ZBTB44: variants seen among roughly 807,000 people sequenced by gnomAD.
The protein encoded by ZBTB44 is zinc finger and BTB domain-containing protein 44.
ZBTB44 carries 15 observed loss-of-function variants against 54.0 expected under a neutral mutation model. That is an observed-to-expected ratio of 0.28 (90% CI 0.19 to 0.43). The LOEUF is 0.43. ZBTB44 is among the 20% of genes least tolerant of loss of function. The pLI is 1.00. For synonymous variants in ZBTB44, 230 were observed against 250.1 expected (o/e 0.92, Z 0.76); for missense variants, 487 against 707.1 (o/e 0.69, Z 3.53).
intron 1 of ZBTB44, among the ~76,000 whole-genome samples, chr11:130,280,767 G>C (rs887687245): frequency 6.6e-6 from 1 of 152,150 alleles, no homozygotes; most frequent in Admixed American, 6.5e-5. Context: ...CACGCTTTTT[G>C]TATTTTTAAA....
At chr11:130,248,925 G>A (rs1937757179) in intron 2 of ZBTB44, among the ~76,000 whole-genome samples, 1 of 152,032 alleles carries the variant, frequency 6.6e-6, no homozygotes, top group Non-Finnish European at 1.5e-5. Flanking sequence ...CCCACATGGT[G>A]AAACTCCATC....
At position 130,261,029 on chromosome 11, in the gene ZBTB44, C is replaced by T. The variant is rs1938826233; in HGVS notation, c.845G>A (p.Gly282Asp). ...TTTGACCCGGACATCTTCTTCGGTACCTAAAGGCAAGGTAGTTTTTGTGCT... is the reference window on the plus strand; with the variant it reads ...TTTGACCCGGACATCTTCTTCGGTATCTAAAGGCAAGGTAGTTTTTGTGCT... ...CESTKTTLPLGTEEDVRVKVE... is the reference protein window; with the variant it reads ...CESTKTTLPLDTEEDVRVKVE... The change falls in exon 2 of 8, where the codon GGT becomes GAT. Residue 282 changes from glycine (G) to aspartate (D), a missense_variant. By Grantham distance (94) the Gly-to-Asp change is moderately conservative. Coordinates refer to ENST00000357899, the MANE Select transcript of ZBTB44 (RefSeq NM_001301098.2). The surrounding 1 kb of genome is among the most constrained non-coding windows in gnomAD (Gnocchi z 4.8). 1.2e-6 allele frequency: 2 copies of T among 1,613,852 alleles called. No homozygotes were observed. The highest frequency in any genetic ancestry group is 1.3e-5 in the African/African-American group (1 of 74,892).
rs549016805 is a variant in ZBTB44 at position 130,291,575 on chromosome 11, G to A, written c.-57+22800C>T. Among the ~76,000 whole-genome samples the A allele has an allele frequency of 1.2e-4, 19 of 152,272 alleles. No homozygotes were observed. The East Asian group carries it at 3.5e-3, about 28-fold the overall frequency. On this transcript the variant is annotated intron_variant, in intron 1 of 7. Transcript: ENST00000357899. ...ACAGGGATTCAAATTCAGAGCCTCTGACTTTAATTAAATCCTATCCTCATT... is the reference window on the plus strand; with the variant it reads ...ACAGGGATTCAAATTCAGAGCCTCTAACTTTAATTAAATCCTATCCTCATT...
intron 1 of ZBTB44, among the ~76,000 whole-genome samples, chr11:130,313,359 A>T (rs761850452): frequency 2.0e-5 from 3 of 152,236 alleles, no homozygotes; most frequent in Non-Finnish European, 4.4e-5. Context: ...TTTCATAATT[A>T]ATCAGTACAT....
intron 2 of ZBTB44, among the ~76,000 whole-genome samples, chr11:130,248,204 C>G (rs1014573720): frequency 6.6e-6 from 1 of 152,218 alleles, no homozygotes; most frequent in Non-Finnish European, 1.5e-5. Flanking sequence ...CCATGCACAT[C>G]TTCCTTTTCT....
At chr11:130,258,744 T>C (rs114515470) in intron 2 of ZBTB44, among the ~76,000 whole-genome samples, 1,695 of 152,308 alleles carry the variant, frequency 0.011, 40 homozygotes, top group African/African-American at 0.039. Flanking sequence ...ATACAAAGCA[T>C]TGCCCCTTTC....
At chr11:130,257,215 T>C (rs557872749) in intron 2 of ZBTB44, among the ~76,000 whole-genome samples, 4 of 149,308 alleles carry the variant, frequency 2.7e-5, no homozygotes, top group Non-Finnish European at 4.4e-5. Context: ...AACTTGCATG[T>C]TCAGCACATG....
chr11:130,251,782 G>C (rs1938025687), intron 2 of ZBTB44, among the ~76,000 whole-genome samples: 1 of 150,156 alleles, frequency 6.7e-6, no homozygotes, highest in South Asian at 2.1e-4. Flanking sequence ...ACTAAATATG[G>C]AAAGGAAAAA....
At chr11:130,307,303 T>C (rs1942326075) in intron 1 of ZBTB44, among the ~76,000 whole-genome samples, 1 of 151,880 alleles carries the variant, frequency 6.6e-6, no homozygotes, top group South Asian at 2.1e-4. Flanking sequence ...CAGGCACCTG[T>C]AGTCCCAGCT....
chr11:130,256,798 A>G (rs1463778121), intron 2 of ZBTB44, among the ~76,000 whole-genome samples: 1 of 152,190 alleles, frequency 6.6e-6, no homozygotes, highest in Non-Finnish European at 1.5e-5. Flanking sequence ...ATCATACCGA[A>G]TGAGTAAAAG....
intron 1 of ZBTB44, among the ~76,000 whole-genome samples, chr11:130,307,251 C>T (rs141443221): frequency 0.036 from 5,407 of 151,856 alleles, 220 homozygotes; most frequent in African/African-American, 0.097. Context: ...GGTGAAACCC[C>T]GTCTCTACTA....
rs149301796 is a variant in ZBTB44, at chr11:130,304,807, G to A, written c.-57+9568C>T. Among the ~76,000 whole-genome samples the A allele has an allele frequency of 4.9e-3, 741 of 152,240 alleles. 6 individuals are homozygous for A. Among genetic ancestry groups the A allele is most frequent in the African/African-American group, 0.017 (721 of 41,542 alleles). On this transcript the variant is annotated intron_variant, in intron 1 of 7. Coordinates refer to ENST00000357899, the MANE Select transcript of ZBTB44 (RefSeq NM_001301098.2). ...TTTATACCAAGCTGCAAAGGAGGAA[G>A]TCAAACTGTTGCTGTTTGCTGATGA...
intron 7 of ZBTB44, chr11:130,232,684 G>GTCATA (rs1953922340): frequency 6.6e-6 from 1 of 152,132 alleles, no homozygotes. Context: ...ATGTATCGCT[G>GTCATA]TCATATGGGA....
intron 1 of ZBTB44, among the ~76,000 whole-genome samples, chr11:130,267,351 TAAAGCTGCAAGTACTGATGTC>T (rs1939326397): frequency 6.6e-6 from 1 of 152,052 alleles, no homozygotes; most frequent in Non-Finnish European, 1.5e-5. Flanking sequence ...AAGTGCAAGG[TAAAGCTGCAAGTACTGATGTC>T]AAAGCTGCAA....
chr11:130,239,337 G>A (rs1255268632), intron 3 of ZBTB44: 1 of 153,376 alleles, frequency 6.5e-6, no homozygotes, highest in Non-Finnish European at 1.4e-5. Context: ...CATTTATGTG[G>A]AAATATCAAG....
chr11:130,272,905 T>C (rs1053810382), intron 1 of ZBTB44, among the ~76,000 whole-genome samples: 6 of 152,202 alleles, frequency 3.9e-5, no homozygotes, highest in African/African-American at 9.7e-5. Flanking sequence ...CTCTATTCCA[T>C]TGATTTATAT....
At position 130,231,500 on chromosome 11, in the gene ZBTB44, T is replaced by C. The variant is rs1953875437; in HGVS notation, c.*264A>G. Reference sequence around the variant, plus strand: ...CTACTTGGGAAGGAATACCCAGTGATGGGTAATCCCTCATTCTGAGAACAC... The same window carrying C: ...CTACTTGGGAAGGAATACCCAGTGACGGGTAATCCCTCATTCTGAGAACAC... On this transcript the variant is annotated 3_prime_UTR_variant, in exon 8 of 8. Transcript: ENST00000357899. The C allele has an allele frequency of 6.6e-6, 1 of 152,158 alleles. No individual in the cohort carries two copies. The highest frequency in any genetic ancestry group is 1.5e-5 in the Non-Finnish European group (1 of 68,004). The allele number at this position is 152,158 out of a possible 1,614,324, so 9.4% of individuals were successfully genotyped here. A position where few individuals can be genotyped will look rare whatever the true frequency, so the allele number is the denominator to read the frequency against.
At chr11:130,267,409 A>C (rs551085171) in intron 1 of ZBTB44, among the ~76,000 whole-genome samples, 1 of 151,920 alleles carries the variant, frequency 6.6e-6, no homozygotes, top group Non-Finnish European at 1.5e-5. Context: ...AGGTAAGATT[A>C]TAATTTTTGT....
At chr11:130,233,723 A>AC in intron 6 of ZBTB44, 1 of 1,173,036 alleles carries the variant, frequency 8.5e-7, no homozygotes, top group Middle Eastern at 3.7e-4. Flanking sequence ...GGAAGAAGGA[A>AC]CTGGTATATG....
Sources: allele counts gnomAD v4.1 joint callset (sites outside exome capture counted in the v4.1 genomes callset), GRCh38; gene constraint gnomAD v4.1.1; non-coding constraint Gnocchi (gnomAD v3.1); transcripts MANE v1.5; gene names NCBI Gene and HGNC (gene_info 2026-07-23, HGNC 2026-07-21).